The following WDR75 variants were observed in gnomAD, a reference collection of about 807,000 sequenced individuals.
WDR75 encodes the protein WD repeat domain 75.
Under a neutral mutation model 106.1 loss-of-function variants are expected in WDR75, and 52 were observed. The ratio of observed to expected loss-of-function variants is 0.49; its 90% CI spans 0.39 to 0.62. WDR75 has a LOEUF of 0.62. WDR75 is among the 20% of genes least tolerant of loss of function. The pLI is 0.00. For synonymous variants in WDR75, 333 were observed against 335.5 expected, an observed-to-expected ratio of 0.99 and a Z score of 0.08; for missense variants, 905 against 970.3, an observed-to-expected ratio of 0.93 and a Z score of 0.89.
intron 18 of WDR75, among the ~76,000 whole-genome samples, chr2:189,472,617 G>A (rs1286198720): frequency 6.6e-6 from 1 of 151,630 alleles, no homozygotes; most frequent in African/African-American, 2.4e-5. Context: ...TCATCTAGAG[G>A]TTTTCATCAG....
At chr2:189,450,693 G>T in intron 2 of WDR75, 1 of 1,358,948 alleles carries the variant, frequency 7.4e-7, no homozygotes, top group Non-Finnish European at 9.4e-7. Context: ...CTCTCTTTTA[G>T]TTAAAACTTG....
intron 1 of WDR75, 59 bp downstream of exon 1, chr2:189,441,637 G>A (rs369444319): frequency 6.5e-7 from 1 of 1,528,264 alleles, no homozygotes; most frequent in South Asian, 1.2e-5. Flanking sequence ...CTCGAGGGTC[G>A]GGGAGAAGGA....
At chr2:189,469,310 C>G (rs757522742) in intron 15 of WDR75, 34 bp from the exon 16 acceptor site, 15 of 1,542,334 alleles carry the variant, frequency 9.7e-6, no homozygotes, top group Non-Finnish European at 9.0e-7. Context: ...TAAATCTTTC[C>G]TTAGAAGTGA....
chr2:189,461,411 T>C (rs1686880693), intron 8 of WDR75, among the ~76,000 whole-genome samples: 1 of 152,186 alleles, frequency 6.6e-6, no homozygotes, highest in Non-Finnish European at 1.5e-5. Flanking sequence ...TTTTATAGTA[T>C]TGAGTATTTT....
Position 189,468,491 on chromosome 2 carries a change from A to T in WDR75, c.1645A>T (p.Arg549Ter). ...AGKIRHLCFG[R>*]LTCSKYLLGA... ...TTAATCTAGGCACCTTTGCTTTGGGAGATTGACGTGTTCAAAGTATCTACT... is the reference window on the plus strand; with the variant it reads ...TTAATCTAGGCACCTTTGCTTTGGGTGATTGACGTGTTCAAAGTATCTACT... Residue 549 changes from arginine (R) to a stop codon, truncating the protein, a stop_gained, in exon 15 of 21, where the codon AGA (arginine) becomes TGA (stop). Transcript: ENST00000314761. LOFTEE classifies it high-confidence loss of function. 1 of 1,613,276 alleles carries T rather than the reference A, an allele frequency of 6.2e-7. No individual in the cohort carries two copies. The highest frequency in any genetic ancestry group is 8.5e-7 in the Non-Finnish European group (1 of 1,179,440).
intron 2 of WDR75, among the ~76,000 whole-genome samples, chr2:189,449,068 T>TA (rs1686561757): frequency 6.6e-6 from 1 of 152,198 alleles, no homozygotes; most frequent in African/African-American, 2.4e-5. Flanking sequence ...GGGAATTTAA[T>TA]TTAGTCCAGA....
intron 8 of WDR75, among the ~76,000 whole-genome samples, chr2:189,461,357 G>A (rs1268408479): frequency 3.9e-5 from 6 of 152,138 alleles, no homozygotes; most frequent in Admixed American, 6.5e-5. Context: ...GGTGGCTACC[G>A]TGTTGACAAT....
chr2:189,464,211 T>C (rs1018981815), intron 11 of WDR75: 18 of 469,222 alleles, frequency 3.8e-5, no homozygotes, highest in Non-Finnish European at 6.0e-5. Context: ...AATGCCCTCC[T>C]ATTAGCTATC....
At chr2:189,445,377 T>C (rs1297151345) in intron 1 of WDR75, among the ~76,000 whole-genome samples, 1 of 152,134 alleles carries the variant, frequency 6.6e-6, no homozygotes, top group Admixed American at 6.5e-5. Context: ...TAATGCCTTG[T>C]GGTAAGTTCT....
At position 189,462,742 on chromosome 2, in the gene WDR75, C is replaced by T. The variant is rs1686922485; in HGVS notation, c.937+100C>T. 10 of 1,163,624 alleles carry T rather than the reference C, an allele frequency of 8.6e-6. No individual in the cohort carries two copies. In the Admixed American group the frequency reaches 9.4e-5, roughly 11 times the overall value. 72.1% of individuals were successfully genotyped at this position (1,163,624 alleles called of 1,614,324 possible). The stretch of plus-strand genomic sequence containing the variant: ...TAAAGAGACCTAAAACTAAGAGTAG[C>T]GTATGAGATTTAATGAGCCTTCTTT... On this transcript the variant is annotated intron_variant, in intron 9 of 20. Coordinates refer to ENST00000314761, the MANE Select transcript of WDR75 (RefSeq NM_032168.3).
intron 18 of WDR75, among the ~76,000 whole-genome samples, chr2:189,473,298 C>T (rs574590427): frequency 6.6e-6 from 1 of 152,274 alleles, no homozygotes; most frequent in South Asian, 2.1e-4. Context: ...TCATCCTCAT[C>T]TTCACATAGA....
At chr2:189,458,997 C>T in intron 7 of WDR75, 125 bp downstream of exon 7, 1 of 1,194,094 alleles carries the variant, frequency 8.4e-7, no homozygotes, top group East Asian at 2.7e-5. Context: ...CTTTTCATTT[C>T]ATACTTACTG....
chr2:189,454,631 C>T (rs1341505601), intron 4 of WDR75, among the ~76,000 whole-genome samples: 2 of 151,944 alleles, frequency 1.3e-5, no homozygotes, highest in Non-Finnish European at 2.9e-5. Context: ...ACGCCATTCT[C>T]CTGCCTCAGC....
At chr2:189,466,644 T>A in intron 13 of WDR75, 62 bp downstream of exon 13, 1 of 1,510,644 alleles carries the variant, frequency 6.6e-7, no homozygotes, top group Non-Finnish European at 9.0e-7. Context: ...TTTCTTTTTC[T>A]CATGACTTGT....
chr2:189,444,616 G>C (rs1686456006), intron 1 of WDR75, among the ~76,000 whole-genome samples: 1 of 152,146 alleles, frequency 6.6e-6, no homozygotes, highest in Non-Finnish European at 1.5e-5. Flanking sequence ...ATCATTCTGA[G>C]TATTGCTGCT....
intron 9 of WDR75, among the ~76,000 whole-genome samples, 166 bp from the exon 10 acceptor site, chr2:189,463,528 A>G (rs978919535): frequency 6.6e-6 from 1 of 152,054 alleles, no homozygotes; most frequent in Non-Finnish European, 1.5e-5. Flanking sequence ...CATAAAATAT[A>G]CTAACACTAA....
intron 2 of WDR75, among the ~76,000 whole-genome samples, chr2:189,449,071 A>C (rs138596147): frequency 1.1e-3 from 169 of 152,338 alleles, no homozygotes; most frequent in African/African-American, 3.7e-3. Context: ...AATTTAATTT[A>C]GTCCAGATTT....
In WDR75 at chr2:189,470,858, C is replaced by T; in HGVS notation, c.2029C>T (p.Leu677Phe). Residue 677 changes from leucine to phenylalanine, a missense_variant, in exon 18 of 21, where the codon CTC (leucine) becomes TTC (phenylalanine). Leu to Phe is a conservative substitution (Grantham distance 22, BLOSUM62 0). Transcript: ENST00000314761. ...TFSTKSPEEK[L>F]TPTSKQLLAE... Reference sequence around the variant, plus strand: ...CAGTACAAAGTCTCCAGAAGAAAAACTCACACCAACAAGCAAACAGGTATG... The same window carrying T: ...CAGTACAAAGTCTCCAGAAGAAAAATTCACACCAACAAGCAAACAGGTATG... The T allele has an allele frequency of 6.2e-7, 1 of 1,601,282 alleles. No homozygotes were observed. The highest frequency in any genetic ancestry group is 1.3e-5 in the African/African-American group (1 of 74,460).
intron 5 of WDR75, 181 bp downstream of exon 5, chr2:189,455,625 A>T: frequency 2.8e-6 from 2 of 712,584 alleles, no homozygotes; most frequent in Non-Finnish European, 4.3e-6. Flanking sequence ...TTTTAGGACT[A>T]TCCTTATTTT....
Sources: allele counts gnomAD v4.1 joint callset (sites outside exome capture counted in the v4.1 genomes callset), GRCh38; gene constraint gnomAD v4.1.1; transcripts MANE v1.5; gene names NCBI Gene and HGNC (gene_info 2026-07-23, HGNC 2026-07-21).